The following ARHGAP19 variants were observed in gnomAD, a reference collection of about 807,000 sequenced individuals.
ARHGAP19 encodes the protein rho GTPase-activating protein 19.
Under a neutral mutation model 60.9 loss-of-function variants are expected in ARHGAP19, and 48 were observed. The ratio of observed to expected loss-of-function variants is 0.79; its 90% CI spans 0.62 to 1.00. The LOEUF is 1.00. ARHGAP19 is among the 50% of genes least tolerant of loss of function. ARHGAP19 has a pLI of 0.00. For synonymous variants in ARHGAP19, 209 were observed against 215.5 expected (o/e 0.97, Z 0.27); for missense variants, 562 against 597.2 (o/e 0.94, Z 0.61).
chr10:97,230,212 C>T (rs1850981304), intron 9 of ARHGAP19, among the ~76,000 whole-genome samples: 2 of 152,022 alleles, frequency 1.3e-5, no homozygotes, highest in South Asian at 4.1e-4. Context: ...ACACCAGTTA[C>T]TCATCATATA....
At chr10:97,292,545 C>T in intron 1 of ARHGAP19, 27 bp downstream of exon 1, 1 of 1,614,132 alleles carries the variant, frequency 6.2e-7, no homozygotes, top group Non-Finnish European at 8.5e-7. Flanking sequence ...CCGCGTTTCC[C>T]AGGAAACTGG....
chr10:97,239,549 A>G (rs75710832), intron 8 of ARHGAP19, among the ~76,000 whole-genome samples: 206 of 4,644 alleles, frequency 0.044, 1 homozygote, highest in South Asian at 0.2. Context: ...AGAGAGAGAG[A>G]GGGTGTGTGT....
chr10:97,258,106 T>G (rs1303651119), intron 5 of ARHGAP19, among the ~76,000 whole-genome samples: 2 of 152,226 alleles, frequency 1.3e-5, no homozygotes, highest in Non-Finnish European at 2.9e-5. Flanking sequence ...TCCAAGAACC[T>G]ATCAACGATG....
intron 1 of ARHGAP19, among the ~76,000 whole-genome samples, chr10:97,283,993 G>A (rs1042454205): frequency 1.3e-5 from 2 of 151,800 alleles, no homozygotes; most frequent in African/African-American, 4.8e-5. Context: ...GAGCACAGTG[G>A]TGTCATCATA....
At chr10:97,286,903 A>G (rs1396996067) in intron 1 of ARHGAP19, among the ~76,000 whole-genome samples, 1 of 151,968 alleles carries the variant, frequency 6.6e-6, no homozygotes, top group Non-Finnish European at 1.5e-5. Flanking sequence ...AAAGGTCTGT[A>G]TTATGTTTAT....
At chr10:97,239,095 T>C (rs780989652) in intron 8 of ARHGAP19, among the ~76,000 whole-genome samples, 3 of 152,226 alleles carry the variant, frequency 2.0e-5, no homozygotes, top group Non-Finnish European at 2.9e-5. Context: ...CTACGCCATC[T>C]AGGTTTATGT....
At chr10:97,250,768 T>TA (rs955353178) in intron 6 of ARHGAP19, among the ~76,000 whole-genome samples, 9 of 149,970 alleles carry the variant, frequency 6.0e-5, no homozygotes, top group East Asian at 2.0e-4. Flanking sequence ...CTATTTCATT[T>TA]AAAAAAAAGA....
In ARHGAP19 at chr10:97,265,940, C is replaced by T; in HGVS notation, c.242G>A (p.Gly81Glu). The T allele has an allele frequency of 6.2e-7, 1 of 1,614,120 alleles. No individual in the cohort carries two copies. The highest frequency in any genetic ancestry group is 1.1e-5 in the South Asian group (1 of 91,082). The change falls in exon 2 of 12, where the codon GGG (glycine) becomes GAG (glutamate). Residue 81 changes from glycine to glutamate, a missense_variant. Physicochemically the swap from Gly to Glu is moderately conservative, Grantham distance 98 (BLOSUM62 -2). Transcript: ENST00000358531. The part of the protein sequence containing the change: ...LPGTELAQLM[G>E]EVDLKLPGGA... The stretch of plus-strand genomic sequence containing the variant: ...GCCAGGCAACTTAAGGTCCACTTCC[C>T]CCATCAGCTGAGCCAACTCAGTTCC...
intron 6 of ARHGAP19, among the ~76,000 whole-genome samples, chr10:97,250,445 C>T (rs903160985): frequency 8.7e-5 from 13 of 150,162 alleles, no homozygotes; most frequent in East Asian, 2.0e-4. Flanking sequence ...AGTGCAATGG[C>T]GCAATCTTGG....
rs1842799289 is a variant in ARHGAP19 at position 97,259,498 on chromosome 10, A to T, written c.744T>A (p.Asp248Glu). Residue 248 changes from aspartate (D) to glutamate (E), a missense_variant, in exon 5 of 12, where the codon GAT becomes GAA. Physicochemically the swap from Asp to Glu is conservative, Grantham distance 45. Transcript: ENST00000358531. ...GTTTCTTTGCTGTCTGGTATAGGAGATCAAGCAATAACTTCAGCAAATTAC... is the reference window on the plus strand; with the variant it reads ...GTTTCTTTGCTGTCTGGTATAGGAGTTCAAGCAATAACTTCAGCAAATTAC... Reference protein sequence around the residue: ...PNRNLLKLLLDLLYQTAKKQD... With the variant: ...PNRNLLKLLLELLYQTAKKQD... 6.2e-7 allele frequency: 1 copy of T among 1,614,014 alleles called. No homozygotes were observed. Among genetic ancestry groups the T allele is most frequent in the African/African-American group, 1.3e-5 (1 of 74,902 alleles).
chr10:97,257,076 G>A (rs974053435), intron 5 of ARHGAP19, among the ~76,000 whole-genome samples: 13 of 152,088 alleles, frequency 8.5e-5, no homozygotes, highest in East Asian at 3.9e-4. Flanking sequence ...AGCCGAGACC[G>A]CACCACTGCA....
chr10:97,231,110 T>C (rs535287499), intron 9 of ARHGAP19, among the ~76,000 whole-genome samples: 4 of 132,732 alleles, frequency 3.0e-5, no homozygotes, highest in African/African-American at 1.1e-4. Flanking sequence ...TAGAGGAACA[T>C]TTATCTGACT....
At chr10:97,235,376 G>A in intron 8 of ARHGAP19, 61 bp from the exon 9 acceptor site, 1 of 1,391,420 alleles carries the variant, frequency 7.2e-7, no homozygotes, top group East Asian at 2.3e-5. Context: ...GGCATTCTGT[G>A]ACAACTAATA....
intron 8 of ARHGAP19, among the ~76,000 whole-genome samples, chr10:97,239,548 GAGGGTGT>G: frequency 9.1e-6 from 1 of 110,236 alleles, no homozygotes; most frequent in Non-Finnish European, 1.8e-5. Flanking sequence ...GAGAGAGAGA[GAGGGTGT>G]GTGTGTGTGT....
chr10:97,248,990 G>A (rs1842603402), intron 6 of ARHGAP19, among the ~76,000 whole-genome samples: 1 of 151,914 alleles, frequency 6.6e-6, no homozygotes, highest in Non-Finnish European at 1.5e-5. Context: ...CTAATTTTTT[G>A]TATTTTTCAT....
intron 1 of ARHGAP19, among the ~76,000 whole-genome samples, chr10:97,292,283 G>A (rs1423017921): frequency 6.6e-6 from 1 of 152,222 alleles, no homozygotes; most frequent in East Asian, 1.9e-4. Flanking sequence ...CCATCAAGAG[G>A]TGTCTCGGCG....
chr10:97,255,821 A>C (rs1278185521), intron 6 of ARHGAP19, among the ~76,000 whole-genome samples: 2 of 152,190 alleles, frequency 1.3e-5, no homozygotes, highest in Non-Finnish European at 2.9e-5. Flanking sequence ...CAGGTGACCA[A>C]GGTAGGGAAA....
chr10:97,279,570 G>GTA (rs1369833741), intron 1 of ARHGAP19, among the ~76,000 whole-genome samples: 1 of 152,036 alleles, frequency 6.6e-6, no homozygotes, highest in Non-Finnish European at 1.5e-5. Flanking sequence ...ATGACTCACT[G>GTA]TAGCCTCAAC....
At chr10:97,284,330 C>T (rs1222842109) in intron 1 of ARHGAP19, among the ~76,000 whole-genome samples, 1 of 152,076 alleles carries the variant, frequency 6.6e-6, no homozygotes, top group Non-Finnish European at 1.5e-5. Flanking sequence ...ACCATGTTGG[C>T]CAGGCTGGTC....
Sources: gnomAD v4.1 joint callset for allele counts (sites outside exome capture counted in the v4.1 genomes callset) on GRCh38, gnomAD v4.1.1 for gene constraint, MANE v1.5 for transcripts, NCBI Gene and HGNC (gene_info 2026-07-23, HGNC 2026-07-21) for gene names.